The following CAMK2D variants were observed in gnomAD, a reference collection of about 807,000 sequenced individuals.
CAMK2D encodes calcium/calmodulin dependent protein kinase II delta.
A neutral mutation model predicts 84.0 loss-of-function variants in CAMK2D; 37 were observed. The observed-to-expected ratio is 0.44, with a 90% CI of 0.34 to 0.58. The LOEUF is 0.58. CAMK2D is among the 20% of genes least tolerant of loss of function. The probability of loss-of-function intolerance (pLI) is 0.02; values close to 1 mark genes in which losing one functional copy is unlikely to be tolerated. For missense variants in CAMK2D, 448 were observed against 652.5 expected (o/e 0.69, Z 3.41); for synonymous variants, 202 against 212.5 (o/e 0.95, Z 0.43).
intron 12 of CAMK2D, among the ~76,000 whole-genome samples, chr4:113,512,834 G>A (rs966560669): frequency 6.6e-6 from 1 of 152,206 alleles, no homozygotes; most frequent in Non-Finnish European, 1.5e-5. Context: ...GCCTCCCAAA[G>A]TGCTGGGATT....
At chr4:113,677,505 T>C (rs1246038289) in intron 2 of CAMK2D, 1 of 863,302 alleles carries the variant, frequency 1.2e-6, no homozygotes, top group African/African-American at 1.8e-5. Context: ...CAACTTGGCT[T>C]ACTTCCTTCT....
intron 8 of CAMK2D, 28 bp downstream of exon 8, chr4:113,531,188 A>C: frequency 3.2e-6 from 4 of 1,238,552 alleles, no homozygotes; most frequent in Non-Finnish European, 4.8e-6. Flanking sequence ...GCTTATCACA[A>C]AATTTGCTTC....
chr4:113,729,660 G>A (rs187687014), intron 2 of CAMK2D, among the ~76,000 whole-genome samples: 1 of 152,202 alleles, frequency 6.6e-6, no homozygotes, highest in East Asian at 1.9e-4. Flanking sequence ...TTGCTGCACT[G>A]AAAGTCTGTG....
intron 13 of CAMK2D, among the ~76,000 whole-genome samples, chr4:113,508,774 CTA>C (rs990737281): frequency 1.2e-4 from 18 of 152,282 alleles, no homozygotes; most frequent in African/African-American, 4.1e-4. Flanking sequence ...AAATGATTTT[CTA>C]TGTTTTCAAT....
intron 2 of CAMK2D, among the ~76,000 whole-genome samples, chr4:113,735,555 C>T (rs2099579400): frequency 6.6e-6 from 1 of 152,038 alleles, no homozygotes; most frequent in Non-Finnish European, 1.5e-5. Context: ...ATATATGGTG[C>T]TTTATAATTT....
At chr4:113,737,123 T>C (rs568230184) in intron 2 of CAMK2D, among the ~76,000 whole-genome samples, 1 of 152,334 alleles carries the variant, frequency 6.6e-6, no homozygotes, top group East Asian at 1.9e-4. Context: ...ATCACTGATA[T>C]ACTTTCTTTC....
chr4:113,746,903 T>C (rs2099605313), intron 2 of CAMK2D, among the ~76,000 whole-genome samples: 2 of 150,200 alleles, frequency 1.3e-5, no homozygotes, highest in South Asian at 4.2e-4. Flanking sequence ...TCACTATTTT[T>C]GAAGTCAATA....
chr4:113,583,308 G>A (rs2098819231), intron 4 of CAMK2D, among the ~76,000 whole-genome samples: 1 of 152,202 alleles, frequency 6.6e-6, no homozygotes, highest in Non-Finnish European at 1.5e-5. Context: ...TGTATTTCAT[G>A]TGGTATACTG....
At chr4:113,581,524 A>AAAAG (rs1352430299) in intron 4 of CAMK2D, among the ~76,000 whole-genome samples, 5 of 124,158 alleles carry the variant, frequency 4.0e-5, no homozygotes, top group Admixed American at 2.4e-4. Flanking sequence ...AAAAAAAAAA[A>AAAAG]AAAAAAAAAG....
intron 8 of CAMK2D, among the ~76,000 whole-genome samples, chr4:113,528,998 G>C (rs1185221518): frequency 6.6e-6 from 1 of 152,128 alleles, no homozygotes; most frequent in African/African-American, 2.4e-5. Flanking sequence ...GCATTCCTAA[G>C]ACCTTACCCA....
At chr4:113,595,289 A>G (rs940316635) in intron 4 of CAMK2D, among the ~76,000 whole-genome samples, 4 of 152,226 alleles carry the variant, frequency 2.6e-5, no homozygotes, top group African/African-American at 9.6e-5. Flanking sequence ...GAAAAATTAC[A>G]AAGATTGGAA....
At chr4:113,749,036 C>G (rs1475621098) in intron 2 of CAMK2D, among the ~76,000 whole-genome samples, 2 of 151,712 alleles carry the variant, frequency 1.3e-5, no homozygotes, top group Non-Finnish European at 1.5e-5. Context: ...AAAATGTACA[C>G]CTGAACTAAC....
chr4:113,480,740 C>G (rs1278836133), intron 16 of CAMK2D, among the ~76,000 whole-genome samples: 1 of 152,164 alleles, frequency 6.6e-6, no homozygotes, highest in Non-Finnish European at 1.5e-5. Flanking sequence ...ACTCGGGAGT[C>G]TGAGGCAGGA....
chr4:113,457,615 T>A (rs1554632247), intron 18 of CAMK2D, 52 bp from the exon 19 acceptor site: 1 of 1,394,640 alleles, frequency 7.2e-7, no homozygotes, highest in East Asian at 2.3e-5. Flanking sequence ...TAAAGGAAAC[T>A]AAAACCAGTA....
intron 2 of CAMK2D, chr4:113,754,014 A>G: frequency 1.1e-6 from 1 of 940,866 alleles, no homozygotes; most frequent in Non-Finnish European, 1.3e-6. Flanking sequence ...AACACTGTCC[A>G]CTGAAATCAT....
At position 113,513,492 on chromosome 4, in the gene CAMK2D, T is replaced by C. The variant is rs186668840; in HGVS notation, c.904-122A>G. 673 of 740,124 alleles carry C rather than the reference T, an allele frequency of 9.1e-4. 1 individual carries two copies. Among genetic ancestry groups the C allele is most frequent in the Non-Finnish European group, 1.4e-3 (589 of 423,188 alleles). 45.8% of individuals were successfully genotyped at this position (740,124 alleles called of 1,614,324 possible). On this transcript the variant is annotated intron_variant, in intron 11 of 20. Coordinates refer to ENST00000511664, the MANE Select transcript of CAMK2D (RefSeq NM_001321571.2). ...TACTTTCAGTTAGGGGATTTTTTATTGTTTGTTTTTGTTTTTTGGTTTCCT... is the reference window on the plus strand; with the variant it reads ...TACTTTCAGTTAGGGGATTTTTTATCGTTTGTTTTTGTTTTTTGGTTTCCT...
chr4:113,498,169 T>G (rs986023938), intron 16 of CAMK2D, among the ~76,000 whole-genome samples: 2 of 152,206 alleles, frequency 1.3e-5, no homozygotes, highest in Non-Finnish European at 2.9e-5. Flanking sequence ...ACAGCAATTC[T>G]AAAGTAAAAA....
intron 5 of CAMK2D, chr4:113,548,817 GAAAC>G (rs950760399): frequency 1.6e-4 from 105 of 642,368 alleles, no homozygotes; most frequent in Middle Eastern, 5.1e-4. Context: ...AAGTCCCAAT[GAAAC>G]AAACAAACAA....
intron 2 of CAMK2D, among the ~76,000 whole-genome samples, chr4:113,742,951 G>A (rs1039924773): frequency 6.6e-6 from 1 of 152,096 alleles, no homozygotes; most frequent in African/African-American, 2.4e-5. Context: ...TGCCTGTAGA[G>A]TCCTTAGTTT....
Sources: gnomAD v4.1 joint callset for allele counts (sites outside exome capture counted in the v4.1 genomes callset) on GRCh38, gnomAD v4.1.1 for gene constraint, MANE v1.5 for transcripts, NCBI Gene and HGNC (gene_info 2026-07-23, HGNC 2026-07-21) for gene names.